Variants in FHIT observed in about 807,000 individuals in gnomAD.
FHIT encodes the protein fragile histidine triad diadenosine triphosphatase, also known as bis(5'-adenosyl)-triphosphatase.
A neutral mutation model predicts 17.9 loss-of-function variants in FHIT; 19 were observed. The observed-to-expected ratio is 1.06, with a 90% CI of 0.74 to 1.56. The LOEUF (loss-of-function observed/expected upper bound fraction) is 1.56, where lower values mean the gene tolerates loss of function less well. FHIT is among the 40% of genes most tolerant of loss of function. FHIT has a pLI of 0.00. For missense variants in FHIT, 248 were observed against 189.2 expected, an observed-to-expected ratio of 1.31 and a Z score of -1.82; for synonymous variants, 81 against 69.7, an observed-to-expected ratio of 1.16 and a Z score of -0.81.
At position 61,065,773 on chromosome 3, in the gene FHIT, G is replaced by A. The variant is rs543759711; in HGVS notation, c.-163-23674C>T. On this transcript the variant is annotated intron_variant, in intron 2 of 9. Transcript: ENST00000492590. ...ACCTCAAAAAAAAAAAAAAATGAACGGAAGCTTGAATATACAAGCTTTTAT... is the reference window on the plus strand; with the variant it reads ...ACCTCAAAAAAAAAAAAAAATGAACAGAAGCTTGAATATACAAGCTTTTAT... 6.6e-5 allele frequency among the ~76,000 whole-genome samples: 10 copies of A among 151,844 alleles called. No homozygotes were observed. In the East Asian group the frequency reaches 1.2e-3, roughly 18 times the overall value.
chr3:61,006,078 T>A (rs1007206722), intron 3 of FHIT, among the ~76,000 whole-genome samples: 162 of 148,854 alleles, frequency 1.1e-3, no homozygotes, highest in Middle Eastern at 7.0e-3. Flanking sequence ...ACAAGGTTTT[T>A]AAAAAAAAAA....
At chr3:60,486,917 C>T (rs2362888) in intron 5 of FHIT, among the ~76,000 whole-genome samples, 14,614 of 152,138 alleles carry the variant, frequency 0.096, 1,114 homozygotes, top group East Asian at 0.39. Flanking sequence ...CAACTACAGA[C>T]TGTCAATTTT....
chr3:60,613,510 G>A (rs1576972063), intron 4 of FHIT, among the ~76,000 whole-genome samples: 1 of 152,120 alleles, frequency 6.6e-6, no homozygotes, highest in Non-Finnish European at 1.5e-5. Context: ...TGAATGAAGA[G>A]TACCTTTTGC....
At chr3:60,924,935 G>C (rs542085993) in intron 3 of FHIT, among the ~76,000 whole-genome samples, 25 of 152,264 alleles carry the variant, frequency 1.6e-4, no homozygotes, top group African/African-American at 6.0e-4. Context: ...TAGCCGATTC[G>C]ATCAACTGGA....
intron 8 of FHIT, among the ~76,000 whole-genome samples, chr3:59,806,191 AAG>A (rs1220406605): frequency 6.6e-6 from 1 of 152,014 alleles, no homozygotes; most frequent in African/African-American, 2.4e-5. Context: ...AAAAAAAAAA[AAG>A]ATCATGGGGA....
rs79565569 is a variant in FHIT, at chr3:60,235,234, G to T, written c.104-221082C>A. On this transcript the variant is annotated intron_variant, in intron 5 of 9. Coordinates refer to ENST00000492590, the MANE Select transcript of FHIT (RefSeq NM_002012.4). ...TTAAATATCTATGCTTTTGTTTGTT[G>T]TTTTTTTTTTTTTTGAGACAGAGTC... Among the ~76,000 whole-genome samples the T allele has an allele frequency of 6.9e-4, 99 of 143,054 alleles. 2 individuals carry two copies. The highest frequency in any genetic ancestry group is 1.7e-3 in the African/African-American group (66 of 38,682). The allele number at this position is 143,054 out of a possible 152,430, so 93.8% of individuals were successfully genotyped here. A position where few individuals can be genotyped will look rare whatever the true frequency, so the allele number is the denominator to read the frequency against.
intron 5 of FHIT, among the ~76,000 whole-genome samples, chr3:60,355,435 C>G (rs968583983): frequency 2.0e-5 from 3 of 151,300 alleles, no homozygotes; most frequent in African/African-American, 7.3e-5. Context: ...GGTTGCATAT[C>G]AATCCATTTT....
At chr3:61,144,244 G>A (rs1365692806) in intron 2 of FHIT, among the ~76,000 whole-genome samples, 1 of 152,090 alleles carries the variant, frequency 6.6e-6, no homozygotes, top group East Asian at 1.9e-4. Flanking sequence ...AATCTACTAT[G>A]CATATGGATT....
chr3:60,681,328 ATGTT>A (rs2040743486), intron 4 of FHIT, among the ~76,000 whole-genome samples: 1 of 152,154 alleles, frequency 6.6e-6, no homozygotes, highest in Non-Finnish European at 1.5e-5. Context: ...TTATCAGTAA[ATGTT>A]TGTGTGTTCT....
chr3:60,427,438 C>T (rs1702713958), intron 5 of FHIT, among the ~76,000 whole-genome samples: 1 of 152,066 alleles, frequency 6.6e-6, no homozygotes, highest in Admixed American at 6.6e-5. Flanking sequence ...AGGACCCCAG[C>T]TAAAATATGC....
At chr3:60,333,870 T>G (rs1414182980) in intron 5 of FHIT, among the ~76,000 whole-genome samples, 1 of 152,198 alleles carries the variant, frequency 6.6e-6, no homozygotes, top group Non-Finnish European at 1.5e-5. Flanking sequence ...AGATGTCAGA[T>G]CCCTCACCCA....
intron 4 of FHIT, among the ~76,000 whole-genome samples, chr3:60,748,249 C>T (rs1553715896): frequency 1.3e-5 from 2 of 152,254 alleles, no homozygotes; most frequent in East Asian, 3.9e-4. Flanking sequence ...TTTCCTTTAT[C>T]TTCTTATGTT....
intron 5 of FHIT, among the ~76,000 whole-genome samples, chr3:60,095,706 T>C (rs1422709846): frequency 6.6e-6 from 1 of 152,134 alleles, no homozygotes; most frequent in Non-Finnish European, 1.5e-5. Flanking sequence ...AGTTAAAGAA[T>C]CAAACATAAA....
chr3:60,364,508 T>C (rs879669587), intron 5 of FHIT, among the ~76,000 whole-genome samples: 12 of 152,236 alleles, frequency 7.9e-5, no homozygotes, highest in Admixed American at 2.0e-4. Flanking sequence ...AAACAAATGA[T>C]CACTGAAGGC....
chr3:60,352,938 T>C (rs2106951550), intron 5 of FHIT, among the ~76,000 whole-genome samples: 1 of 152,276 alleles, frequency 6.6e-6, no homozygotes, highest in African/African-American at 2.4e-5. Flanking sequence ...GGGGATTCAG[T>C]CCTACATTTA....
chr3:60,323,027 G>A (rs781397032), intron 5 of FHIT, among the ~76,000 whole-genome samples: 1 of 152,128 alleles, frequency 6.6e-6, no homozygotes, highest in African/African-American at 2.4e-5. Flanking sequence ...TATGAGTTTA[G>A]ATTTTTTTGT....
chr3:60,028,136 G>A (rs1009916948), intron 5 of FHIT, among the ~76,000 whole-genome samples: 6 of 151,534 alleles, frequency 4.0e-5, no homozygotes, highest in South Asian at 2.1e-4. Context: ...CATGCCCCAA[G>A]GTGGGTGGCC....
At chr3:60,487,261 G>A (rs983146356) in intron 5 of FHIT, among the ~76,000 whole-genome samples, 6 of 152,262 alleles carry the variant, frequency 3.9e-5, no homozygotes, top group Non-Finnish European at 4.4e-5. Flanking sequence ...TAAGAGCCTC[G>A]TGAAGGAAAG....
chr3:59,767,458 C>G (rs772747426), intron 8 of FHIT, among the ~76,000 whole-genome samples: 1 of 152,072 alleles, frequency 6.6e-6, no homozygotes, highest in Non-Finnish European at 1.5e-5. Context: ...GAGATTGTAT[C>G]ATTGCACTCT....
Sources: allele counts gnomAD v4.1 joint callset (sites outside exome capture counted in the v4.1 genomes callset), GRCh38; gene constraint gnomAD v4.1.1; transcripts MANE v1.5; gene names NCBI Gene and HGNC (gene_info 2026-07-23, HGNC 2026-07-21).